Variants in DDX10 observed in about 807,000 individuals in gnomAD.
DDX10 encodes the protein DEAD-box helicase 10.
In DDX10, 74 loss-of-function variants were observed where a neutral mutation model predicts 104.3. That is an observed-to-expected ratio of 0.71 (90% CI 0.59 to 0.86). The LOEUF (loss-of-function observed/expected upper bound fraction) is 0.86. Among genes scored for constraint, DDX10 ranks in the 40% least tolerant of loss-of-function variants. DDX10 has a pLI of 0.00. For synonymous variants in DDX10, 351 were observed against 353.4 expected, an observed-to-expected ratio of 0.99 and a Z score of 0.08; for missense variants, 952 against 1,040.0, an observed-to-expected ratio of 0.92 and a Z score of 1.16.
At chr11:108,929,737 G>A (rs1490857412) in intron 17 of DDX10, 1 of 152,178 alleles carries the variant, frequency 6.6e-6, no homozygotes, top group East Asian at 1.9e-4. Flanking sequence ...TAAGGGGCAT[G>A]TAGTTCTTTG....
chr11:108,715,213 A>G (rs910355568), intron 10 of DDX10, among the ~76,000 whole-genome samples: 5 of 152,130 alleles, frequency 3.3e-5, no homozygotes, highest in African/African-American at 1.2e-4. Flanking sequence ...AAACAGAAAC[A>G]TTTATAAAAA....
At chr11:108,851,034 A>G (rs17108645) in intron 15 of DDX10, among the ~76,000 whole-genome samples, 2,666 of 152,318 alleles carry the variant, frequency 0.018, 93 homozygotes, top group African/African-American at 0.061. Flanking sequence ...AGAAAATAAC[A>G]GTAATGTGCT....
chr11:108,819,892 G>A (rs1409251904), intron 13 of DDX10, among the ~76,000 whole-genome samples: 1 of 152,120 alleles, frequency 6.6e-6, no homozygotes, highest in South Asian at 2.1e-4. Flanking sequence ...GAGCCACCGC[G>A]CCCAGCCCCA....
At chr11:108,902,850 A>T (rs1281970367) in intron 16 of DDX10, among the ~76,000 whole-genome samples, 1 of 152,118 alleles carries the variant, frequency 6.6e-6, no homozygotes, top group Non-Finnish European at 1.5e-5. Flanking sequence ...AATCCTTTCC[A>T]TTTGTTAAGT....
At chr11:108,680,920 T>C (rs1391247211) in intron 6 of DDX10, among the ~76,000 whole-genome samples, 1 of 152,212 alleles carries the variant, frequency 6.6e-6, no homozygotes, top group East Asian at 1.9e-4. Flanking sequence ...AACTTGGGAA[T>C]GGAATAGTAA....
chr11:108,713,656 G>T (rs2134467553), intron 10 of DDX10, among the ~76,000 whole-genome samples: 1 of 152,312 alleles, frequency 6.6e-6, no homozygotes, highest in East Asian at 1.9e-4. Context: ...GTCTGGTTAT[G>T]ATGCTTGCTC....
At chr11:108,694,240 A>G (rs1325736767) in intron 9 of DDX10, among the ~76,000 whole-genome samples, 1 of 152,198 alleles carries the variant, frequency 6.6e-6, no homozygotes, top group Non-Finnish European at 1.5e-5. Context: ...AAGCGAAACC[A>G]CAGATAGAGG....
At chr11:108,839,477 G>T (rs937817797) in intron 14 of DDX10, among the ~76,000 whole-genome samples, 7 of 152,072 alleles carry the variant, frequency 4.6e-5, no homozygotes, top group South Asian at 4.1e-4. Context: ...ACCTAGAAAG[G>T]TACCTAACAT....
At chr11:108,771,264 G>A (rs549542655) in intron 13 of DDX10, among the ~76,000 whole-genome samples, 1 of 152,184 alleles carries the variant, frequency 6.6e-6, no homozygotes, top group East Asian at 1.9e-4. Flanking sequence ...TCCTTTGTCA[G>A]ATGGGTAGTT....
intron 1 of DDX10, among the ~76,000 whole-genome samples, chr11:108,667,776 T>G (rs564537077): frequency 6.6e-6 from 1 of 152,362 alleles, no homozygotes; most frequent in African/African-American, 2.4e-5. Flanking sequence ...GTACTCTTCC[T>G]TCAAGATTTA....
intron 13 of DDX10, among the ~76,000 whole-genome samples, chr11:108,830,059 C>A (rs1181105840): frequency 6.6e-6 from 1 of 152,036 alleles, no homozygotes; most frequent in African/African-American, 2.4e-5. Flanking sequence ...GTTTTTGGTT[C>A]CATATTAATT....
At chr11:108,705,807 G>A (rs1238887746) in intron 9 of DDX10, among the ~76,000 whole-genome samples, 1 of 152,090 alleles carries the variant, frequency 6.6e-6, no homozygotes, top group Non-Finnish European at 1.5e-5. Context: ...TTAAGGTATT[G>A]GGAAAATCTG....
intron 1 of DDX10, among the ~76,000 whole-genome samples, chr11:108,667,169 C>A (rs1056302348): frequency 7.2e-5 from 11 of 152,168 alleles, no homozygotes; most frequent in African/African-American, 2.7e-4. Flanking sequence ...GCTTTGTAGT[C>A]CTAAGGGTGG....
intron 16 of DDX10, among the ~76,000 whole-genome samples, chr11:108,869,983 A>G (rs936008686): frequency 3.3e-5 from 5 of 152,242 alleles, no homozygotes; most frequent in Admixed American, 1.3e-4. Flanking sequence ...GGTGAAGTCC[A>G]TATAACATCT....
chr11:108,888,784 T>TA (rs61520289), intron 16 of DDX10, among the ~76,000 whole-genome samples: 30,727 of 147,184 alleles, frequency 0.21, 3,278 homozygotes, highest in East Asian at 0.27. Flanking sequence ...TTCTATCGTT[T>TA]AAAAAAAAAA....
At chr11:108,844,541 GCACATCTT>G (rs1223980819) in intron 15 of DDX10, among the ~76,000 whole-genome samples, 26 of 152,340 alleles carry the variant, frequency 1.7e-4, no homozygotes, top group African/African-American at 5.5e-4. Context: ...TTCTTAAGTG[GCACATCTT>G]CACATGTGGG....
chr11:108,933,515 T>A, intron 17 of DDX10, among the ~76,000 whole-genome samples: 1 of 152,166 alleles, frequency 6.6e-6, no homozygotes, highest in East Asian at 1.9e-4. Context: ...GCAAAGAACA[T>A]CAAAATTACT....
chr11:108,888,778 A>G (rs1344805293), intron 16 of DDX10, among the ~76,000 whole-genome samples: 1 of 146,134 alleles, frequency 6.8e-6, no homozygotes, highest in African/African-American at 2.6e-5. Flanking sequence ...ATCAAATTCT[A>G]TCGTTTAAAA....
intron 13 of DDX10, among the ~76,000 whole-genome samples, chr11:108,810,538 G>A (rs1443414714): frequency 6.6e-6 from 1 of 152,132 alleles, no homozygotes; most frequent in African/African-American, 2.4e-5. Flanking sequence ...AGTAGTGACA[G>A]TGTTGAGAGT....
Sources: gnomAD v4.1 joint callset for allele counts (sites outside exome capture counted in the v4.1 genomes callset) on GRCh38, gnomAD v4.1.1 for gene constraint, MANE v1.5 for transcripts, NCBI Gene and HGNC (gene_info 2026-07-23, HGNC 2026-07-21) for gene names.